Variants in AEBP2 observed in about 807,000 individuals in gnomAD.
AEBP2 encodes zinc finger protein AEBP2.
A neutral mutation model predicts 50.8 loss-of-function variants in AEBP2; 10 were observed. The ratio of observed to expected loss-of-function variants is 0.20; its 90% CI spans 0.12 to 0.33. AEBP2 has a LOEUF of 0.33. Ranked by LOEUF, AEBP2 falls within the 10% of genes least tolerant of loss-of-function variation. The probability of loss-of-function intolerance (pLI) is 1.00; values close to 1 mark genes in which losing one functional copy is unlikely to be tolerated. For synonymous variants in AEBP2, 296 were observed against 261.3 expected (o/e 1.13, Z -1.28); for missense variants, 570 against 688.0 (o/e 0.83, Z 1.92).
At chr12:19,467,404 CTG>C (rs1157220007) in intron 2 of AEBP2, among the ~76,000 whole-genome samples, 3 of 152,042 alleles carry the variant, frequency 2.0e-5, no homozygotes, top group African/African-American at 2.4e-5. Context: ...AGTGATGCTC[CTG>C]TGTCAGCCTC....
At chr12:19,486,808 CT>C (rs148320030) in intron 3 of AEBP2, among the ~76,000 whole-genome samples, 15 of 148,368 alleles carry the variant, frequency 1.0e-4, no homozygotes, top group Admixed American at 1.4e-4. Flanking sequence ...CTTTTCTTTT[CT>C]TTTTTTTTTG....
Position 19,453,910 on chromosome 12 carries a change from C to A in AEBP2, c.672-8600C>A, listed in dbSNP as rs572528279. 8.1e-5 allele frequency among the ~76,000 whole-genome samples: 12 copies of A among 148,628 alleles called. No individual in the cohort carries two copies. In the South Asian group the frequency reaches 1.5e-3, roughly 19 times the overall value. ...CTCCACGGCTCAAGTGATTCTCCCCCCCTCGGCCTCCCAAAGTGCTGGGAT... is the reference window on the plus strand; with the variant it reads ...CTCCACGGCTCAAGTGATTCTCCCCACCTCGGCCTCCCAAAGTGCTGGGAT... On this transcript the variant is annotated intron_variant, in intron 1 of 7. Transcript: ENST00000266508.
chr12:19,495,799 C>G (rs1477245179), intron 4 of AEBP2, among the ~76,000 whole-genome samples: 1 of 152,092 alleles, frequency 6.6e-6, no homozygotes, highest in African/African-American at 2.4e-5. Context: ...CCACTTCAGC[C>G]TCCCAAAGTG....
intron 2 of AEBP2, among the ~76,000 whole-genome samples, chr12:19,471,185 A>AACCTCCTCTTTGTTACTTG (rs1217374433): frequency 6.6e-6 from 1 of 151,968 alleles, no homozygotes; most frequent in South Asian, 2.1e-4. Flanking sequence ...GCATGATTAT[A>AACCTCCTCTTTGTTACTTG]GCAGTTCATT....
At chr12:19,487,104 T>G (rs1948820374) in intron 3 of AEBP2, among the ~76,000 whole-genome samples, 1 of 152,176 alleles carries the variant, frequency 6.6e-6, no homozygotes, top group Admixed American at 6.5e-5. Context: ...CTTTGCCAAT[T>G]GTGTTCATTG....
chr12:19,518,282 C>T lies in AEBP2; in HGVS notation c.*165C>T. 7.8e-7 allele frequency: 1 copy of T among 1,276,212 alleles called. No homozygotes were observed. Among genetic ancestry groups the T allele is most frequent in the African/African-American group, 1.7e-5 (1 of 60,398 alleles). The allele number at this position is 1,276,212 out of a possible 1,614,324, so 79.1% of individuals were successfully genotyped here. A position where few individuals can be genotyped will look rare whatever the true frequency, so the allele number is the denominator to read the frequency against. ...AATATTTATGCTTAGTGTAAACATT[C>T]TGTGAATGAAGTAGACTCTTCGGTG... On this transcript the variant is annotated 3_prime_UTR_variant, in exon 8 of 8. Transcript: ENST00000266508.
At chr12:19,415,931 G>C (rs2095742369) in intron 1 of AEBP2, among the ~76,000 whole-genome samples, 1 of 152,182 alleles carries the variant, frequency 6.6e-6, no homozygotes, top group South Asian at 2.1e-4. Flanking sequence ...GCTCATGCCT[G>C]TAAACCCAGC....
intron 1 of AEBP2, among the ~76,000 whole-genome samples, chr12:19,433,802 C>G (rs1463925796): frequency 7.2e-6 from 1 of 139,156 alleles, no homozygotes; most frequent in Non-Finnish European, 1.6e-5. Flanking sequence ...AACTCCGTCT[C>G]AAAAAAAAAA....
chr12:19,449,469 TTAAAG>T (rs1320180010), intron 1 of AEBP2, among the ~76,000 whole-genome samples: 1 of 152,124 alleles, frequency 6.6e-6, no homozygotes, highest in African/African-American at 2.4e-5. Flanking sequence ...TATGAGAAAT[TTAAAG>T]TAATGTGCTC....
At chr12:19,509,409 A>G (rs1395372782) in intron 5 of AEBP2, among the ~76,000 whole-genome samples, 1 of 152,160 alleles carries the variant, frequency 6.6e-6, no homozygotes, top group African/African-American at 2.4e-5. Context: ...TTGATTAGTT[A>G]AAGCTTCTTT....
At chr12:19,413,166 C>A in intron 1 of AEBP2, 1 of 744,842 alleles carries the variant, frequency 1.3e-6, no homozygotes, top group Admixed American at 1.8e-5. Flanking sequence ...CCTGGCGATG[C>A]AGCCCAACAG....
intron 1 of AEBP2, among the ~76,000 whole-genome samples, chr12:19,450,856 G>T (rs1417926521): frequency 2.7e-5 from 4 of 148,650 alleles, no homozygotes; most frequent in Non-Finnish European, 4.4e-5. Context: ...AAAAAAAAGG[G>T]TCATTTTTTT....
intron 1 of AEBP2, among the ~76,000 whole-genome samples, chr12:19,405,816 CT>C (rs911072223): frequency 2.0e-5 from 3 of 150,012 alleles, no homozygotes; most frequent in African/African-American, 2.4e-5. Flanking sequence ...GATACTTTAT[CT>C]TTTTTTTTGA....
At chr12:19,413,509 A>C in intron 1 of AEBP2, 1 of 815,574 alleles carries the variant, frequency 1.2e-6, no homozygotes, top group Non-Finnish European at 2.2e-6. Context: ...TCTAGGACAG[A>C]AGTTAAGATC....
intron 4 of AEBP2, among the ~76,000 whole-genome samples, chr12:19,496,381 C>A (rs963238112): frequency 2.6e-5 from 4 of 151,996 alleles, no homozygotes; most frequent in African/African-American, 9.7e-5. Flanking sequence ...GGGGTTAGTC[C>A]TGAATATATT....
At position 19,450,530 on chromosome 12, in the gene AEBP2, A is replaced by G. The variant is rs1257860995; in HGVS notation, c.671+10160A>G. On this transcript the variant is annotated intron_variant, in intron 1 of 7. Transcript: ENST00000266508. ...GTGCTACACTAGATAAAAGTTTTGC[A>G]TACTAGATGAAAATGTCAGCCTGGC... Among the ~76,000 whole-genome samples, 6 of 142,968 alleles carry G rather than the reference A, an allele frequency of 4.2e-5. No individual in the cohort carries two copies. In the East Asian group the frequency reaches 1.2e-3, roughly 29 times the overall value. The allele number at this position is 142,968 out of a possible 152,430, so 93.8% of individuals were successfully genotyped here.
Position 19,488,217 on chromosome 12 carries a change from G to A in AEBP2, c.988-5583G>A, listed in dbSNP as rs113727361. The stretch of plus-strand genomic sequence containing the variant: ...CAGCTCACTGCAACCTCTGGCTCCT[G>A]GGCTCAGGTGGTCCTCCCACCTCAG... On this transcript the variant is annotated intron_variant, in intron 3 of 7. Transcript: ENST00000266508. Among the ~76,000 whole-genome samples, 772 of 150,846 alleles carry A rather than the reference G, an allele frequency of 5.1e-3. 6 individuals carry two copies. The highest frequency in any genetic ancestry group is 0.015 in the African/African-American group (598 of 41,050).
intron 5 of AEBP2, among the ~76,000 whole-genome samples, chr12:19,501,797 G>GTTTGTTTTTTTTTTTTTTTTTTTTTTT (rs60750234): frequency 1.4e-5 from 1 of 70,904 alleles, no homozygotes. Context: ...AAATGAGTTT[G>GTTTGTTTTTTTTTTTTTTTTTTTTTTT]TTTTTTTTTT....
intron 1 of AEBP2, among the ~76,000 whole-genome samples, chr12:19,426,997 C>A (rs140200502): frequency 4.6e-5 from 7 of 152,196 alleles, no homozygotes; most frequent in Non-Finnish European, 8.8e-5. Flanking sequence ...TAAAGATCTA[C>A]ACTCATAAAT....
Sources: allele counts gnomAD v4.1 joint callset (sites outside exome capture counted in the v4.1 genomes callset), GRCh38; gene constraint gnomAD v4.1.1; transcripts MANE v1.5; gene names NCBI Gene and HGNC (gene_info 2026-07-23, HGNC 2026-07-21).